KLHL2: variants seen among roughly 807,000 people sequenced by gnomAD.
KLHL2 encodes the protein kelch like family member 2.
Under a neutral mutation model 75.8 loss-of-function variants are expected in KLHL2, and 15 were observed. The ratio of observed to expected loss-of-function variants is 0.20; its 90% confidence interval spans 0.13 to 0.30. The LOEUF (loss-of-function observed/expected upper bound fraction) is 0.30, where lower values mean the gene tolerates loss of function less well. Ranked by LOEUF, KLHL2 falls within the 10% of genes least tolerant of loss-of-function variation. The pLI is 1.00. For synonymous variants in KLHL2, 214 were observed against 251.9 expected (o/e 0.85, Z 1.42); for missense variants, 381 against 741.0 (o/e 0.51, Z 5.64).
chr4:165,292,407 A>G (rs1419439943), intron 5 of KLHL2, among the ~76,000 whole-genome samples: 1 of 151,952 alleles, frequency 6.6e-6, no homozygotes, highest in Non-Finnish European at 1.5e-5. Context: ...ATCTCGGCTT[A>G]CTGCAACCTC....
chr4:165,270,664 G>C (rs950657755), intron 5 of KLHL2, among the ~76,000 whole-genome samples: 1 of 152,160 alleles, frequency 6.6e-6, no homozygotes, highest in African/African-American at 2.4e-5. Context: ...CAGAACAGCA[G>C]ATATTGCTGC....
At chr4:165,299,199 T>TA (rs1745159016) in intron 7 of KLHL2, among the ~76,000 whole-genome samples, 1 of 152,198 alleles carries the variant, frequency 6.6e-6, no homozygotes, top group Admixed American at 6.5e-5. Flanking sequence ...AGGTTAAAGA[T>TA]ACACAGGTGG....
rs757736874 is a variant in KLHL2 at position 165,278,312 on chromosome 4, G to A, written c.544+14953G>A. The A allele has an allele frequency of 5.5e-6, 6 of 1,088,614 alleles. No individual in the cohort carries two copies. In the African/African-American group the frequency reaches 7.7e-5, roughly 14 times the overall value. 67.4% of individuals were successfully genotyped at this position (1,088,614 alleles called of 1,614,324 possible). ...TTCGGGCATCAAGGGCTTCACTACT[G>A]GAATATACAGAATGTCTGCTTGTAG... On this transcript the variant is annotated intron_variant, in intron 5 of 14. Coordinates refer to ENST00000226725, the MANE Select transcript of KLHL2 (RefSeq NM_007246.4).
At chr4:165,315,129 A>T (rs1396865643) in intron 13 of KLHL2, among the ~76,000 whole-genome samples, 2 of 152,156 alleles carry the variant, frequency 1.3e-5, no homozygotes, top group Non-Finnish European at 2.9e-5. Flanking sequence ...CCTTAGTAGA[A>T]TAAGTGACTC....
At chr4:165,250,954 C>G (rs2111165439) in intron 4 of KLHL2, among the ~76,000 whole-genome samples, 1 of 152,274 alleles carries the variant, frequency 6.6e-6, no homozygotes, top group East Asian at 1.9e-4. Context: ...TTAGAATCAC[C>G]TGTTCCATTG....
chr4:165,219,815 C>T, intron 1 of KLHL2, 119 bp from the exon 2 acceptor site: 1 of 1,369,852 alleles, frequency 7.3e-7, no homozygotes. Context: ...GTCCATGAGA[C>T]TTCCTCTAAA....
chr4:165,278,298 A>G (rs376652499), intron 5 of KLHL2: 1 of 1,074,250 alleles, frequency 9.3e-7, no homozygotes, highest in Admixed American at 1.7e-5. Flanking sequence ...TCGGGCATCA[A>G]GGGCTTCACT....
chr4:165,242,571 G>A (rs911161072), intron 4 of KLHL2, among the ~76,000 whole-genome samples: 11 of 152,118 alleles, frequency 7.2e-5, no homozygotes, highest in East Asian at 1.9e-4. Context: ...ATCTTGGCTC[G>A]TTGCAACCTT....
intron 1 of KLHL2, among the ~76,000 whole-genome samples, chr4:165,218,889 T>TA (rs1560977101): frequency 6.6e-6 from 1 of 152,236 alleles, no homozygotes; most frequent in Non-Finnish European, 1.5e-5. Flanking sequence ...TAAGCCTAGT[T>TA]AAAAAATTGG....
chr4:165,224,601 C>G (rs1488384227), intron 2 of KLHL2, among the ~76,000 whole-genome samples: 1 of 152,180 alleles, frequency 6.6e-6, no homozygotes, highest in African/African-American at 2.4e-5. Flanking sequence ...ATTAGATTAT[C>G]TGATGTGCAT....
chr4:165,312,762 G>T (rs921356062), intron 11 of KLHL2, among the ~76,000 whole-genome samples: 2 of 152,072 alleles, frequency 1.3e-5, no homozygotes, highest in African/African-American at 4.8e-5. Flanking sequence ...CACTTCTTTG[G>T]CTTAGGGTGA....
intron 9 of KLHL2, among the ~76,000 whole-genome samples, chr4:165,305,960 G>A (rs1438327528): frequency 1.3e-5 from 2 of 152,184 alleles, no homozygotes; most frequent in African/African-American, 4.8e-5. Flanking sequence ...GGGAGAGCTA[G>A]TAATTTGCCG....
intron 2 of KLHL2, among the ~76,000 whole-genome samples, chr4:165,224,505 A>G (rs1425606429): frequency 6.6e-6 from 1 of 152,244 alleles, no homozygotes; most frequent in African/African-American, 2.4e-5. Flanking sequence ...TTTAAGCAAA[A>G]TAGCCTGACC....
At chr4:165,308,323 T>C (rs767864826) in intron 9 of KLHL2, among the ~76,000 whole-genome samples, 13 of 152,224 alleles carry the variant, frequency 8.5e-5, no homozygotes, top group Non-Finnish European at 1.5e-4. Context: ...ATTGAGGCCA[T>C]AAGTCATTTG....
intron 1 of KLHL2, among the ~76,000 whole-genome samples, chr4:165,219,144 G>GTA (rs1351701734): frequency 1.3e-5 from 2 of 152,124 alleles, no homozygotes; most frequent in Admixed American, 1.3e-4. Context: ...AGCAATGCTA[G>GTA]TATAGCCTTG....
chr4:165,239,128 A>C (rs1212241486), intron 4 of KLHL2, among the ~76,000 whole-genome samples: 1 of 152,120 alleles, frequency 6.6e-6, no homozygotes, highest in Non-Finnish European at 1.5e-5. Context: ...TCTCTGAATG[A>C]TGCTTGTTCT....
chr4:165,287,316 A>G (rs541072659), intron 5 of KLHL2, among the ~76,000 whole-genome samples: 67 of 152,160 alleles, frequency 4.4e-4, no homozygotes, highest in Non-Finnish European at 8.4e-4. Context: ...TCCATGTTGC[A>G]TTGTGACAGG....
chr4:165,257,366 T>C (rs1459310574), intron 4 of KLHL2, among the ~76,000 whole-genome samples: 1 of 152,214 alleles, frequency 6.6e-6, no homozygotes, highest in Non-Finnish European at 1.5e-5. Flanking sequence ...GGGGGAAGTA[T>C]TTCTCTTCCT....
chr4:165,228,690 C>T (rs1367845045), intron 2 of KLHL2, 117 bp from the exon 3 acceptor site: 1 of 622,322 alleles, frequency 1.6e-6, no homozygotes. Context: ...GGATGGCTGT[C>T]TTTTACGTTA....
Sources: gnomAD v4.1 joint callset for allele counts (sites outside exome capture counted in the v4.1 genomes callset) on GRCh38, gnomAD v4.1.1 for gene constraint, MANE v1.5 for transcripts, NCBI Gene and HGNC (gene_info 2026-07-23, HGNC 2026-07-21) for gene names.